RANBP2: variants seen among roughly 807,000 people sequenced by gnomAD.
RANBP2 encodes the protein RAN binding protein 2, also known as E3 SUMO-protein ligase RanBP2.
RANBP2 carries 57 observed loss-of-function variants against 303.6 expected under a neutral mutation model. The ratio of observed to expected loss-of-function variants is 0.19; its 90% CI spans 0.15 to 0.23. The LOEUF (loss-of-function observed/expected upper bound fraction) is 0.23, where lower values mean the gene tolerates loss of function less well. Ranked by LOEUF, RANBP2 falls within the 10% of genes least tolerant of loss-of-function variation. RANBP2 has a pLI of 1.00. For synonymous variants in RANBP2, 1,167 were observed against 1,301.5 expected, an observed-to-expected ratio of 0.90 and a Z score of 2.23; for missense variants, 3,138 against 3,780.8, an observed-to-expected ratio of 0.83 and a Z score of 4.46.
At chr2:109,324,863 C>T in the RANBP2 span, among the ~76,000 whole-genome samples, 6 of 152,318 alleles carry the variant, frequency 3.9e-5, no homozygotes, top group South Asian at 4.1e-4. Flanking sequence ...CAAGCACGCA[C>T]GCTGGCACAC....
chr2:109,649,916 A>C, the RANBP2 span, among the ~76,000 whole-genome samples: 1 of 152,230 alleles, frequency 6.6e-6, no homozygotes, highest in African/African-American at 2.4e-5. Flanking sequence ...AAGCCATTGC[A>C]ACAATAAGTT....
At chr2:108,889,871 G>T in the RANBP2 span, among the ~76,000 whole-genome samples, 1 of 151,958 alleles carries the variant, frequency 6.6e-6, no homozygotes, top group East Asian at 1.9e-4. Flanking sequence ...ATTGATTGTT[G>T]TTGTGGTTGG....
chr2:109,014,847 C>T, the RANBP2 span, among the ~76,000 whole-genome samples: 24 of 152,222 alleles, frequency 1.6e-4, no homozygotes, highest in African/African-American at 4.8e-4. Flanking sequence ...ATAGGCTGGG[C>T]GCGGTGGCTC....
chr2:108,930,076 C>T, the RANBP2 span: 5 of 1,590,288 alleles, frequency 3.1e-6, no homozygotes, highest in Non-Finnish European at 4.3e-6. Context: ...AGCAGGAGGC[C>T]TCCCCTGAGA....
the RANBP2 span, among the ~76,000 whole-genome samples, chr2:109,653,496 G>A: frequency 2.0e-5 from 3 of 151,860 alleles, no homozygotes; most frequent in Non-Finnish European, 2.9e-5. Flanking sequence ...GCTGCTAGGC[G>A]CTGCTGTAGC....
the RANBP2 span, among the ~76,000 whole-genome samples, chr2:108,997,997 C>T: frequency 1.3e-5 from 2 of 152,160 alleles, no homozygotes; most frequent in Non-Finnish European, 2.9e-5. Context: ...GTGTGCATCT[C>T]TGAATGATGG....
the RANBP2 span, among the ~76,000 whole-genome samples, chr2:108,998,598 C>T: frequency 9.7e-4 from 147 of 152,330 alleles, no homozygotes; most frequent in Non-Finnish European, 1.8e-3. Context: ...ACTTTCTCTT[C>T]CTCAACCCAG....
At chr2:109,522,282 T>TA in the RANBP2 span, among the ~76,000 whole-genome samples, 6 of 149,364 alleles carry the variant, frequency 4.0e-5, no homozygotes, top group African/African-American at 1.5e-4. Flanking sequence ...TTTCTTTTTT[T>TA]TAAAAAAAAA....
the RANBP2 span, among the ~76,000 whole-genome samples, chr2:109,270,183 G>A: frequency 6.6e-6 from 1 of 152,192 alleles, no homozygotes; most frequent in Non-Finnish European, 1.5e-5. Context: ...TTGATGATCA[G>A]CAAATTGGGG....
chr2:108,990,013 C>G, the RANBP2 span, among the ~76,000 whole-genome samples: 1 of 152,162 alleles, frequency 6.6e-6, no homozygotes, highest in South Asian at 2.1e-4. Flanking sequence ...AAGAAAGAAA[C>G]AGTCTGGGCT....
the RANBP2 span, among the ~76,000 whole-genome samples, chr2:109,458,572 C>CAGAGAGAGAGCGAGAGAGAGAGAGAGAG: frequency 8.1e-6 from 1 of 122,978 alleles, no homozygotes; most frequent in South Asian, 2.7e-4. Context: ...CAGCAGGAGA[C>CAGAGAGAGAGCGAGAGAGAGAGAGAGAG]AGAGAGAGAG....
chr2:108,909,623 G>A, the RANBP2 span, among the ~76,000 whole-genome samples: 1 of 152,220 alleles, frequency 6.6e-6, no homozygotes, highest in South Asian at 2.1e-4. Flanking sequence ...CTGGCAGGGG[G>A]GTCCGAGCAC....
At chr2:108,824,229 T>G in the RANBP2 span, among the ~76,000 whole-genome samples, 1 of 152,188 alleles carries the variant, frequency 6.6e-6, no homozygotes, top group Non-Finnish European at 1.5e-5. Context: ...TTTATAAACT[T>G]TTTAGTTTTT....
the RANBP2 span, among the ~76,000 whole-genome samples, chr2:109,293,786 T>G: frequency 6.6e-6 from 1 of 152,320 alleles, no homozygotes; most frequent in Admixed American, 6.5e-5. Flanking sequence ...CAGCTGTAGG[T>G]GAACGCTGGG....
At chr2:109,050,272 T>A in the RANBP2 span, among the ~76,000 whole-genome samples, 3 of 152,144 alleles carry the variant, frequency 2.0e-5, no homozygotes, top group African/African-American at 7.2e-5. Flanking sequence ...TTTTTTTTTT[T>A]AAACAGGGTC....
chr2:109,640,789 A>G, the RANBP2 span, among the ~76,000 whole-genome samples: 1 of 152,140 alleles, frequency 6.6e-6, no homozygotes, highest in Admixed American at 6.6e-5. Flanking sequence ...CGAGTCCCTA[A>G]GCCTGGAGAC....
chr2:108,994,536 T>C, the RANBP2 span, among the ~76,000 whole-genome samples: 1 of 152,180 alleles, frequency 6.6e-6, no homozygotes, highest in Admixed American at 6.5e-5. Flanking sequence ...AAGAGTATTA[T>C]AAAACCTATT....
chr2:109,249,850 A>T, the RANBP2 span, among the ~76,000 whole-genome samples: 10 of 147,860 alleles, frequency 6.8e-5, no homozygotes, highest in African/African-American at 2.0e-4. Context: ...TTTATTTTTT[A>T]ATTTTTTTAT....
At chr2:109,178,228 A>G in the RANBP2 span, among the ~76,000 whole-genome samples, 1 of 152,212 alleles carries the variant, frequency 6.6e-6, no homozygotes, top group African/African-American at 2.4e-5. Context: ...TTGCAGAGTC[A>G]TATTCTATAA....
Sources: allele counts gnomAD v4.1 joint callset (sites outside exome capture counted in the v4.1 genomes callset), GRCh38; gene constraint gnomAD v4.1.1; transcripts MANE v1.5; gene names NCBI Gene and HGNC (gene_info 2026-07-23, HGNC 2026-07-21).